The following CTNNA2 variants were observed in gnomAD, a reference collection of about 807,000 sequenced individuals.
CTNNA2 encodes catenin alpha-2.
Under a neutral mutation model 101.0 loss-of-function variants are expected in CTNNA2, and 42 were observed. That is an observed-to-expected ratio of 0.42 (90% CI 0.32 to 0.54). The LOEUF is 0.54. Among genes scored for constraint, CTNNA2 ranks in the 20% least tolerant of loss-of-function variants. The pLI is 0.14. For synonymous variants in CTNNA2, 450 were observed against 456.4 expected (o/e 0.99, Z 0.18); for missense variants, 871 against 1,223.1 (o/e 0.71, Z 4.29).
intron 7 of CTNNA2, among the ~76,000 whole-genome samples, chr2:80,008,055 T>C (rs1489942986): frequency 6.6e-6 from 1 of 152,228 alleles, no homozygotes; most frequent in East Asian, 1.9e-4. Flanking sequence ...GGAATGGTTA[T>C]GATCATGGGG....
At position 80,452,549 on chromosome 2, in the gene CTNNA2, C is replaced by T. The variant is rs1033121203; in HGVS notation, c.1290+32948C>T. On this transcript the variant is annotated intron_variant, in intron 9 of 18. Coordinates refer to ENST00000402739, the MANE Select transcript of CTNNA2 (RefSeq NM_001282597.3). Reference sequence around the variant, plus strand: ...CTCTGGGCAGCTGTCGGTGTTCTAACGCCGCTGACAAACTGACCAGATTCT... The same window carrying T: ...CTCTGGGCAGCTGTCGGTGTTCTAATGCCGCTGACAAACTGACCAGATTCT... Among the ~76,000 whole-genome samples, 23 of 151,676 alleles carry T rather than the reference C, an allele frequency of 1.5e-4. 1 individual carries two copies. The highest frequency in any genetic ancestry group is 4.6e-4 in the African/African-American group (19 of 40,970).
At chr2:80,572,374 A>G (rs902164009) in intron 12 of CTNNA2, among the ~76,000 whole-genome samples, 2 of 152,170 alleles carry the variant, frequency 1.3e-5, no homozygotes, top group African/African-American at 4.8e-5. Flanking sequence ...TTTATTTTAT[A>G]TACATGTAGG....
chr2:79,941,084 T>C (rs900188393), intron 7 of CTNNA2, among the ~76,000 whole-genome samples: 2 of 152,228 alleles, frequency 1.3e-5, no homozygotes, highest in Non-Finnish European at 2.9e-5. Context: ...GCTTTGTGGC[T>C]GCCAGGTCCA....
At chr2:79,392,146 T>C (rs1395430259) in intron 4 of CTNNA2, among the ~76,000 whole-genome samples, 1 of 152,154 alleles carries the variant, frequency 6.6e-6, no homozygotes, top group Non-Finnish European at 1.5e-5. Flanking sequence ...TCCATAACAG[T>C]GTCTTTTCCA....
In CTNNA2 at chr2:79,732,600, A is replaced by G. The variant is rs537867983; in HGVS notation, c.103-11787A>G. 5.9e-5 allele frequency among the ~76,000 whole-genome samples: 9 copies of G among 152,260 alleles called. No individual in the cohort carries two copies. In the South Asian group the frequency reaches 1.7e-3, roughly 28 times the overall value. On this transcript the variant is annotated intron_variant, in intron 2 of 18. Transcript: ENST00000402739. ...GAACTAATAATGTATTACATACATTATACAATATACATAAAAGTAGACATT... is the reference window on the plus strand; with the variant it reads ...GAACTAATAATGTATTACATACATTGTACAATATACATAAAAGTAGACATT...
chr2:79,627,773 C>A (rs1364003119), intron 1 of CTNNA2, among the ~76,000 whole-genome samples: 5 of 151,900 alleles, frequency 3.3e-5, no homozygotes, highest in Non-Finnish European at 1.5e-5. Context: ...ATTCTTGGAG[C>A]CTATTTTTAA....
intron 2 of CTNNA2, among the ~76,000 whole-genome samples, chr2:79,669,938 C>T (rs1682713180): frequency 6.6e-6 from 1 of 152,198 alleles, no homozygotes; most frequent in Non-Finnish European, 1.5e-5. Context: ...CCCAGCCATT[C>T]CGTGGCCTGT....
Position 80,211,454 on chromosome 2 carries a change from C to T in CTNNA2, c.1057-181757C>T, listed in dbSNP as rs7584168. Among the ~76,000 whole-genome samples, 3 of 152,154 alleles carry T rather than the reference C, an allele frequency of 2.0e-5. No homozygotes were observed. The South Asian group carries it at 6.2e-4, about 32-fold the overall frequency. ...ACATGTGGCTAGCCAGTTTTCCCAGCACCATTTATTAAATAGGGAATCCTT... is the reference window on the plus strand; with the variant it reads ...ACATGTGGCTAGCCAGTTTTCCCAGTACCATTTATTAAATAGGGAATCCTT... On this transcript the variant is annotated intron_variant, in intron 7 of 18. Transcript: ENST00000402739.
intron 1 of CTNNA2, among the ~76,000 whole-genome samples, chr2:79,584,549 A>G (rs1248998162): frequency 1.1e-4 from 16 of 145,374 alleles, no homozygotes; most frequent in Admixed American, 1.0e-3. Flanking sequence ...TTTTTGACGG[A>G]GTCTTGCTCT....
intron 9 of CTNNA2, among the ~76,000 whole-genome samples, chr2:80,475,490 C>T (rs1559140222): frequency 6.6e-6 from 1 of 152,120 alleles, no homozygotes; most frequent in Non-Finnish European, 1.5e-5. Context: ...AGGACTGGAG[C>T]TCTCAACTAC....
chr2:80,165,418 A>G (rs993361163), intron 7 of CTNNA2, among the ~76,000 whole-genome samples: 13 of 151,952 alleles, frequency 8.6e-5, no homozygotes, highest in African/African-American at 3.1e-4. Context: ...TAAAAGTTAC[A>G]TGTAGTTTTT....
In CTNNA2 at chr2:80,028,488, T is replaced by C. The variant is rs187992571; in HGVS notation, c.1056+118691T>C. 1.8e-4 allele frequency: 27 copies of C among 152,372 alleles called. No individual in the cohort carries two copies. The East Asian group carries it at 4.4e-3, about 25-fold the overall frequency. The allele number at this position is 152,372 out of a possible 1,614,324, so 9.4% of individuals were successfully genotyped here. A position where few individuals can be genotyped will look rare whatever the true frequency, so the allele number is the denominator to read the frequency against. On this transcript the variant is annotated intron_variant, in intron 7 of 18. Transcript: ENST00000402739. ...TCATACTCTGGATTCTTTATGAGTA[T>C]GTCTTATTTTCTTTGGATTCTTTGT...
At chr2:79,815,463 G>A (rs1437579634) in intron 3 of CTNNA2, among the ~76,000 whole-genome samples, 1 of 150,416 alleles carries the variant, frequency 6.6e-6, no homozygotes, top group African/African-American at 2.4e-5. Flanking sequence ...TGAGAAATGA[G>A]GATCCAGTTT....
chr2:79,305,378 A>C (rs1020746185), intron 2 of CTNNA2, among the ~76,000 whole-genome samples: 4 of 148,260 alleles, frequency 2.7e-5, no homozygotes, highest in Non-Finnish European at 4.5e-5. Context: ...ATACACATAT[A>C]TATATATATA....
chr2:79,381,938 G>C (rs1252349424), intron 4 of CTNNA2, among the ~76,000 whole-genome samples: 2 of 152,178 alleles, frequency 1.3e-5, no homozygotes, highest in African/African-American at 4.8e-5. Flanking sequence ...CTAATTTAAT[G>C]TGTCAACTTG....
chr2:79,480,061 T>C (rs764394931), intron 4 of CTNNA2, among the ~76,000 whole-genome samples: 24 of 151,978 alleles, frequency 1.6e-4, no homozygotes, highest in Non-Finnish European at 2.4e-4. Context: ...CTTCCACTCA[T>C]GGTGGAAGGA....
chr2:79,200,659 A>G (rs1674022337), intron 2 of CTNNA2, among the ~76,000 whole-genome samples: 1 of 152,190 alleles, frequency 6.6e-6, no homozygotes, highest in South Asian at 2.1e-4. Flanking sequence ...AATTGAGGAA[A>G]AAGCAAACAA....
chr2:80,067,833 G>C (rs777514886), intron 7 of CTNNA2, among the ~76,000 whole-genome samples: 4 of 152,090 alleles, frequency 2.6e-5, no homozygotes, highest in Non-Finnish European at 4.4e-5. Flanking sequence ...AGATCCTAAG[G>C]CCTCTTGTCA....
chr2:80,089,094 A>G (rs184710212), intron 7 of CTNNA2, among the ~76,000 whole-genome samples: 1 of 152,074 alleles, frequency 6.6e-6, no homozygotes, highest in East Asian at 1.9e-4. Context: ...AGGCCCATGA[A>G]AAGTTCTTTG....
Sources: gnomAD v4.1 joint callset for allele counts (sites outside exome capture counted in the v4.1 genomes callset) on GRCh38, gnomAD v4.1.1 for gene constraint, MANE v1.5 for transcripts, NCBI Gene and HGNC (gene_info 2026-07-23, HGNC 2026-07-21) for gene names.